The following CTSB variants were observed in gnomAD, a reference collection of about 807,000 sequenced individuals.
The protein encoded by CTSB is cathepsin B, also known as APP secretase.
A neutral mutation model predicts 44.3 loss-of-function variants in CTSB; 57 were observed. The ratio of observed to expected loss-of-function variants is 1.29; its 90% CI spans 1.04 to 1.60. The LOEUF is 1.60. Ranked by LOEUF, CTSB falls within the 40% of genes most tolerant of loss-of-function variation. The pLI is 0.00. For missense variants in CTSB, 768 were observed against 443.0 expected (o/e 1.73, Z -6.59); for synonymous variants, 320 against 168.0 (o/e 1.91, Z -7.00).
At chr8:11,847,977 A>AC (rs2131009432) in intron 6 of CTSB, 90 bp downstream of exon 6, 1 of 1,362,998 alleles carries the variant, frequency 7.3e-7, no homozygotes, top group Non-Finnish European at 1.0e-6. Flanking sequence ...CTCTGTCTCA[A>AC]CCCCCAGTTT....
At chr8:11,847,340 C>T (rs1391449736) in intron 7 of CTSB, among the ~76,000 whole-genome samples, 172 bp from the exon 8 acceptor site, 1 of 152,096 alleles carries the variant, frequency 6.6e-6, no homozygotes, top group African/African-American at 2.4e-5. Context: ...AAGGACAGGG[C>T]TGGGGCTGGA....
At chr8:11,848,758 G>A (rs887925411) in intron 5 of CTSB, 6 of 334,792 alleles carry the variant, frequency 1.8e-5, no homozygotes, top group Non-Finnish European at 3.5e-5. Flanking sequence ...AAAGGAACAT[G>A]CGATGACACA....
intron 1 of CTSB, among the ~76,000 whole-genome samples, chr8:11,858,177 TC>T (rs1284731979): frequency 2.0e-5 from 3 of 152,248 alleles, no homozygotes; most frequent in African/African-American, 2.4e-5. Context: ...GGAAGGGCAC[TC>T]GCTCCAGCGG....
chr8:11,844,893 C>G lies in CTSB; in HGVS notation c.*232G>C, dbSNP rs1812966667. The G allele has an allele frequency of 5.5e-6, 3 of 545,858 alleles. No homozygotes were observed. In the South Asian group the frequency reaches 7.1e-5, roughly 13 times the overall value. The allele number at this position is 545,858 out of a possible 1,614,324, so 33.8% of individuals were successfully genotyped here. On this transcript the variant is annotated 3_prime_UTR_variant, in exon 10 of 10. Transcript: ENST00000353047. ...AGGTACTCCCTACGGCACTAGTCTACAGGGGGAAGGACGCTCTGTGCTGGC... is the reference window on the plus strand; with the variant it reads ...AGGTACTCCCTACGGCACTAGTCTAGAGGGGGAAGGACGCTCTGTGCTGGC...
chr8:11,851,297 C>G (rs1487392129), intron 3 of CTSB, among the ~76,000 whole-genome samples: 1 of 152,106 alleles, frequency 6.6e-6, no homozygotes, highest in Non-Finnish European at 1.5e-5. Context: ...TCAATCGATT[C>G]TCGTGCCTCA....
At position 11,847,704 on chromosome 8, in the gene CTSB, C is replaced by T. The variant is rs150860649; in HGVS notation, c.651G>A (p.Pro217=). 4.6e-5 allele frequency: 72 copies of T among 1,581,696 alleles called. No individual in the cohort carries two copies. The highest frequency in any genetic ancestry group is 1.4e-4 in the East Asian group (6 of 44,308). Residue 217 remains proline, a synonymous_variant, in exon 7 of 10, where the codon CCG becomes CCA. Transcript: ENST00000353047. ...CSKICEPGYS[P]TYKQDKHYGY... is the part of the protein sequence containing the mutation. ...CGTAGTGCTTGTCCTGTTTGTAGGT[C>T]GGGCTGTAGCCAGGCTCACAGATCT...
chr8:11,858,567 G>T (rs1233552035), intron 1 of CTSB, among the ~76,000 whole-genome samples: 1 of 152,174 alleles, frequency 6.6e-6, no homozygotes, highest in Non-Finnish European at 1.5e-5. Context: ...CGGGATTATA[G>T]GTGTGAGCCA....
rs1491421723 is a variant in CTSB, at chr8:11,844,026, CTG to C, written c.*1097_*1098del. 1 of 152,162 alleles carries C rather than the reference CTG, an allele frequency of 6.6e-6. No individual in the cohort carries two copies. The highest frequency in any genetic ancestry group is 2.4e-5 in the African/African-American group (1 of 41,426). The allele number at this position is 152,162 out of a possible 1,614,324, so 9.4% of individuals were successfully genotyped here. A position where few individuals can be genotyped will look rare whatever the true frequency, so the allele number is the denominator to read the frequency against. Reference sequence around the variant, plus strand: ...CCAGCCTGGGAGACGGAATCTCACTCTGTCAGTCACAACAACAACAAAAAAAT... The same window carrying C: ...CCAGCCTGGGAGACGGAATCTCACTCTCAGTCACAACAACAACAAAAAAAT... On this transcript the variant is annotated 3_prime_UTR_variant, in exon 10 of 10. Transcript: ENST00000353047.
In CTSB at chr8:11,852,711, C is replaced by T; in HGVS notation, c.127-16G>A. 6.2e-7 allele frequency: 1 copy of T among 1,612,040 alleles called. No homozygotes were observed. On this transcript the variant is annotated splice_polypyrimidine_tract_variant and intron_variant, in intron 2 of 9. Coordinates refer to ENST00000353047, the MANE Select transcript of CTSB (RefSeq NM_001908.5). ...TGTGCCCGGCCTGGAAGAGAGTCAC[C>T]CACTGACTGAAGGGTCTCCCGGGAT...
At position 11,844,253 on chromosome 8, in the gene CTSB, AAGAG is replaced by A. The variant is rs764053597; in HGVS notation, c.*868_*871del. On this transcript the variant is annotated 3_prime_UTR_variant, in exon 10 of 10. Transcript: ENST00000353047. ...CAGGACGTGATTCTCTGCAGGGACAAAGAGAGACAGCAGCTACAAGTCTATAGGC... is the reference window on the plus strand; with the variant it reads ...CAGGACGTGATTCTCTGCAGGGACAAAGACAGCAGCTACAAGTCTATAGGC... 4 of 152,172 alleles carry A rather than the reference AAGAG, an allele frequency of 2.6e-5. No homozygotes were observed. Among genetic ancestry groups the A allele is most frequent in the Admixed American group, 1.3e-4 (2 of 15,280 alleles). The allele number at this position is 152,172 out of a possible 1,614,324, so 9.4% of individuals were successfully genotyped here.
rs1274794818 is a variant in CTSB at position 11,843,515 on chromosome 8, A to G, written c.*1610T>C. The stretch of plus-strand genomic sequence containing the variant: ...AACTGCTATAACATGTTTCTAAACC[A>G]GGGCTATGCAAAGCACTAGAGTTCC... On this transcript the variant is annotated 3_prime_UTR_variant, in exon 10 of 10. Transcript: ENST00000353047. 1 of 152,268 alleles carries G rather than the reference A, an allele frequency of 6.6e-6. No homozygotes were observed. Among genetic ancestry groups the G allele is most frequent in the Non-Finnish European group, 1.5e-5 (1 of 68,056 alleles). The allele number at this position is 152,268 out of a possible 1,614,324, so 9.4% of individuals were successfully genotyped here. A position where few individuals can be genotyped will look rare whatever the true frequency, so the allele number is the denominator to read the frequency against.
Position 11,844,498 on chromosome 8 carries a change from A to AGG in CTSB, c.*625_*626dup, listed in dbSNP as rs1279081941. On this transcript the variant is annotated 3_prime_UTR_variant, in exon 10 of 10. Transcript: ENST00000353047. ...TGGTTTCCTTTTGAGCCGCGTCATA[A>AGG]GGAGGCAATCTGTAAAACTAGCACA... 1.3e-5 allele frequency: 2 copies of AGG among 152,268 alleles called. No individual in the cohort carries two copies. The highest frequency in any genetic ancestry group is 4.8e-5 in the African/African-American group (2 of 41,458). The allele number at this position is 152,268 out of a possible 1,614,324, so 9.4% of individuals were successfully genotyped here. A position where few individuals can be genotyped will look rare whatever the true frequency, so the allele number is the denominator to read the frequency against.
chr8:11,863,367 G>T (rs192308787), intron 1 of CTSB, among the ~76,000 whole-genome samples: 1 of 151,918 alleles, frequency 6.6e-6, no homozygotes, highest in African/African-American at 2.4e-5. Context: ...GCTGAGGCAG[G>T]AGAATCACTT....
chr8:11,847,588 C>T, intron 7 of CTSB, 91 bp downstream of exon 7: 10 of 1,419,458 alleles, frequency 7.0e-6, no homozygotes, highest in Non-Finnish European at 9.4e-6. Context: ...CCCAAGGCTC[C>T]TCAGCCCTGA....
chr8:11,846,072 A>G lies in CTSB; in HGVS notation c.794-283T>C, dbSNP rs567199221. The G allele has an allele frequency of 2.8e-5, 7 of 254,386 alleles. No homozygotes were observed. In the South Asian group the frequency reaches 3.6e-4, roughly 13 times the overall value. The allele number at this position is 254,386 out of a possible 1,614,324, so 15.8% of individuals were successfully genotyped here. On this transcript the variant is annotated intron_variant, in intron 8 of 9. Transcript: ENST00000353047. ...GAATTTCTAATACATTCTAATTGATAAAACATTTAATGCTAGATGACTGAT... is the reference window on the plus strand; with the variant it reads ...GAATTTCTAATACATTCTAATTGATGAAACATTTAATGCTAGATGACTGAT...
At chr8:11,861,843 G>A (rs1015941709) in intron 1 of CTSB, among the ~76,000 whole-genome samples, 30 of 152,292 alleles carry the variant, frequency 2.0e-4, no homozygotes, top group Admixed American at 5.9e-4. Flanking sequence ...GAACACGGCG[G>A]TTCCCTAATT....
chr8:11,851,291 T>G (rs2645417), intron 3 of CTSB, among the ~76,000 whole-genome samples: 33,410 of 151,824 alleles, frequency 0.22, 3,925 homozygotes, highest in Middle Eastern at 0.29. Flanking sequence ...CTGAGTTCAA[T>G]CGATTCTCGT....
chr8:11,852,434 AAG>A (rs1656268136), intron 3 of CTSB, among the ~76,000 whole-genome samples, 174 bp downstream of exon 3: 1 of 152,192 alleles, frequency 6.6e-6, no homozygotes, highest in African/African-American at 2.4e-5. Flanking sequence ...ATAAAATAAA[AAG>A]AGAAAGTAAT....
intron 4 of CTSB, 44 bp downstream of exon 4, chr8:11,850,822 C>T (rs1224027943): frequency 7.0e-7 from 1 of 1,437,616 alleles, no homozygotes; most frequent in South Asian, 1.2e-5. Context: ...AGTGTTGCTC[C>T]CACTTTCTCT....
Sources: allele counts gnomAD v4.1 joint callset (sites outside exome capture counted in the v4.1 genomes callset), GRCh38; gene constraint gnomAD v4.1.1; transcripts MANE v1.5; gene names NCBI Gene and HGNC (gene_info 2026-07-23, HGNC 2026-07-21).